Variants in SHISA9 observed in about 807,000 individuals in gnomAD.
The protein encoded by SHISA9 is protein shisa-9.
In SHISA9, 13 loss-of-function variants were observed where a neutral mutation model predicts 38.0. That is an observed-to-expected ratio of 0.34 (90% confidence interval 0.22 to 0.54). SHISA9 has a LOEUF of 0.54. SHISA9 is among the 20% of genes least tolerant of loss of function. The pLI is 0.91. For synonymous variants in SHISA9, 275 were observed against 242.0 expected, an observed-to-expected ratio of 1.14 and a Z score of -1.27; for missense variants, 538 against 575.8, an observed-to-expected ratio of 0.93 and a Z score of 0.67.
At chr16:13,037,387 A>C (rs2141884325) in intron 2 of SHISA9, among the ~76,000 whole-genome samples, 1 of 152,036 alleles carries the variant, frequency 6.6e-6, no homozygotes, top group South Asian at 2.1e-4. Context: ...TTCTCATACT[A>C]TAGAAACAAG....
rs776855989 is a variant in SHISA9 at position 13,072,220 on chromosome 16, G to C, written c.692-131174G>C. 2.6e-5 allele frequency among the ~76,000 whole-genome samples: 4 copies of C among 152,370 alleles called. No individual in the cohort carries two copies. The South Asian group carries it at 6.2e-4, about 24-fold the overall frequency. On this transcript the variant is annotated intron_variant, in intron 2 of 4. Coordinates refer to ENST00000558583, the MANE Select transcript of SHISA9 (RefSeq NM_001145204.3). ...GAGTGAGGTTGAGAAGCGGTGGCTG[G>C]AAATAAAGCCAGTACCCAATGCAGG...
At chr16:13,457,731 C>T in the SHISA9 span, among the ~76,000 whole-genome samples, 1 of 151,912 alleles carries the variant, frequency 6.6e-6, no homozygotes, top group Non-Finnish European at 1.5e-5. Context: ...ACACAGTCCC[C>T]AGAACTTTCT....
chr16:13,224,088 G>C (rs2051255793), intron 4 of SHISA9, among the ~76,000 whole-genome samples: 1 of 152,170 alleles, frequency 6.6e-6, no homozygotes, highest in South Asian at 2.1e-4. Context: ...TATTGAAGGG[G>C]ATAGCAAATG....
chr16:12,951,958 C>T (rs74481957), intron 2 of SHISA9, among the ~76,000 whole-genome samples: 2,103 of 152,290 alleles, frequency 0.014, 14 homozygotes, highest in Middle Eastern at 0.02. Flanking sequence ...ATATGCATGT[C>T]AATATGGCAT....
the SHISA9 span, among the ~76,000 whole-genome samples, chr16:13,436,796 G>C: frequency 6.6e-6 from 1 of 152,274 alleles, no homozygotes; most frequent in African/African-American, 2.4e-5. Flanking sequence ...AGTGGGAGTT[G>C]AGTCACGTAT....
the SHISA9 span, among the ~76,000 whole-genome samples, chr16:13,491,237 T>C: frequency 2.1e-3 from 327 of 152,240 alleles, 2 homozygotes; most frequent in African/African-American, 7.5e-3. Context: ...TGGGAATCCA[T>C]TGGTGATAAT....
chr16:13,450,308 A>G, the SHISA9 span, among the ~76,000 whole-genome samples: 6 of 152,218 alleles, frequency 3.9e-5, no homozygotes, highest in Non-Finnish European at 8.8e-5. Flanking sequence ...TATATAAAGT[A>G]CTTCCCAACA....
At chr16:13,415,152 T>C in the SHISA9 span, among the ~76,000 whole-genome samples, 1 of 152,332 alleles carries the variant, frequency 6.6e-6, no homozygotes, top group East Asian at 1.9e-4. Flanking sequence ...CAGAAAAACC[T>C]TTAGGCTGAA....
the SHISA9 span, among the ~76,000 whole-genome samples, chr16:13,321,272 A>C: frequency 6.6e-6 from 1 of 152,238 alleles, no homozygotes; most frequent in Non-Finnish European, 1.5e-5. Flanking sequence ...ATCATGTCCC[A>C]GTATGACTTT....
chr16:13,038,944 C>G (rs1293757665), intron 2 of SHISA9, among the ~76,000 whole-genome samples: 2 of 152,190 alleles, frequency 1.3e-5, no homozygotes, highest in African/African-American at 4.8e-5. Flanking sequence ...GAGTCTCACT[C>G]TGTTTTCAGA....
chr16:13,475,801 G>A, the SHISA9 span, among the ~76,000 whole-genome samples: 2 of 152,116 alleles, frequency 1.3e-5, no homozygotes, highest in African/African-American at 4.8e-5. Context: ...GGTCACGATG[G>A]GAGACACTGA....
intron 2 of SHISA9, among the ~76,000 whole-genome samples, chr16:13,170,202 CAAAAAAAA>C (rs71147788): frequency 1.1e-5 from 1 of 91,992 alleles, no homozygotes; most frequent in African/African-American, 4.5e-5. Context: ...GACTCCATCT[CAAAAAAAA>C]AAAAAAAAAA....
chr16:13,071,886 C>A (rs1024378602), intron 2 of SHISA9, among the ~76,000 whole-genome samples: 1 of 151,872 alleles, frequency 6.6e-6, no homozygotes, highest in Non-Finnish European at 1.5e-5. Context: ...GCTCAAGTAA[C>A]CTGCCTGCTT....
intron 2 of SHISA9, among the ~76,000 whole-genome samples, chr16:13,051,108 C>T (rs1057243650): frequency 6.6e-6 from 1 of 152,200 alleles, no homozygotes; most frequent in African/African-American, 2.4e-5. Flanking sequence ...TTGTATTAGT[C>T]TGTTCTCACA....
chr16:13,386,089 C>T, the SHISA9 span, among the ~76,000 whole-genome samples: 3 of 152,104 alleles, frequency 2.0e-5, no homozygotes, highest in Admixed American at 6.5e-5. Context: ...TATGAACCTA[C>T]ACATAATAAA....
At chr16:12,973,851 C>A (rs1222467563) in intron 2 of SHISA9, among the ~76,000 whole-genome samples, 1 of 152,142 alleles carries the variant, frequency 6.6e-6, no homozygotes, top group African/African-American at 2.4e-5. Flanking sequence ...GTCTGTATAG[C>A]CTCGAAAAAG....
At position 13,014,169 on chromosome 16, in the gene SHISA9, G is replaced by A. The variant is rs1407908205; in HGVS notation, c.691+97354G>A. ...ACAGATGAGGAAACTGAGGCAGAGA[G>A]CAGTTAGAGCAATGTGCCCAAGACA... On this transcript the variant is annotated intron_variant, in intron 2 of 4. Coordinates refer to ENST00000558583, the MANE Select transcript of SHISA9 (RefSeq NM_001145204.3). Among the ~76,000 whole-genome samples, 8 of 152,216 alleles carry A rather than the reference G, an allele frequency of 5.3e-5. No homozygotes were observed. In the East Asian group the frequency reaches 1.5e-3, roughly 29 times the overall value.
At chr16:13,147,649 G>C (rs2050459452) in intron 2 of SHISA9, among the ~76,000 whole-genome samples, 1 of 151,956 alleles carries the variant, frequency 6.6e-6, no homozygotes, top group Non-Finnish European at 1.5e-5. Flanking sequence ...TTTTAGTAGA[G>C]ACAGGGTTTC....
the SHISA9 span, among the ~76,000 whole-genome samples, chr16:13,247,530 A>C: frequency 6.6e-6 from 1 of 152,202 alleles, no homozygotes; most frequent in African/African-American, 2.4e-5. Flanking sequence ...CACCCCACTT[A>C]ACCCTCTCAA....
Sources: allele counts gnomAD v4.1 joint callset (sites outside exome capture counted in the v4.1 genomes callset), GRCh38; gene constraint gnomAD v4.1.1; transcripts MANE v1.5; gene names NCBI Gene and HGNC (gene_info 2026-07-23, HGNC 2026-07-21).